GRIK4: variants seen among roughly 807,000 people sequenced by gnomAD.
GRIK4 encodes the protein glutamate ionotropic receptor kainate type subunit 4.
A neutral mutation model predicts 104.9 loss-of-function variants in GRIK4; 40 were observed. The ratio of observed to expected loss-of-function variants is 0.38; its 90% confidence interval spans 0.30 to 0.50. The LOEUF is 0.50. Among genes scored for constraint, GRIK4 ranks in the 20% least tolerant of loss-of-function variants. GRIK4 has a pLI of 0.93. For missense variants in GRIK4, 1,047 were observed against 1,308.1 expected (o/e 0.80, Z 3.08); for synonymous variants, 485 against 524.9 (o/e 0.92, Z 1.04).
chr11:120,668,879 T>C (rs151057912), intron 3 of GRIK4, among the ~76,000 whole-genome samples: 1 of 152,252 alleles, frequency 6.6e-6, no homozygotes, highest in African/African-American at 2.4e-5. Context: ...CCCTGTTTTA[T>C]GCTTTTATAA....
At position 120,676,635 on chromosome 11, in the gene GRIK4, G is replaced by A. The variant is rs997092807; in HGVS notation, c.82+16235G>A. Among the ~76,000 whole-genome samples, 8 of 152,242 alleles carry A rather than the reference G, an allele frequency of 5.3e-5. No individual in the cohort carries two copies. In the East Asian group the frequency reaches 5.8e-4, roughly 11 times the overall value. ...CATTCCTGCAATAAATAGTCCTGTC[G>A]CTTGAGAGCAAGAACTCACTCACTG... On this transcript the variant is annotated intron_variant, in intron 3 of 20. Coordinates refer to ENST00000527524, the MANE Select transcript of GRIK4 (RefSeq NM_014619.5).
intron 13 of GRIK4, among the ~76,000 whole-genome samples, chr11:120,907,049 C>T (rs78284765): frequency 0.027 from 4,095 of 152,264 alleles, 93 homozygotes; most frequent in East Asian, 0.071. Flanking sequence ...CCTCAGTTTT[C>T]GAGATTCAAG....
At chr11:120,858,502 T>A (rs970787901) in intron 8 of GRIK4, 1 of 152,152 alleles carries the variant, frequency 6.6e-6, no homozygotes, top group Non-Finnish European at 1.5e-5. Flanking sequence ...ATGGTCAGTG[T>A]GTTTGGGAAG....
chr11:120,590,557 T>C (rs2135111718), intron 1 of GRIK4, among the ~76,000 whole-genome samples: 1 of 152,326 alleles, frequency 6.6e-6, no homozygotes, highest in East Asian at 1.9e-4. Context: ...GCACAGTGCC[T>C]GGAATGTAAT....
Position 120,952,797 on chromosome 11 carries a change from C to T in GRIK4, c.1591-58C>T, listed in dbSNP as rs919598638. On this transcript the variant is annotated intron_variant, in intron 14 of 20. Coordinates refer to ENST00000527524, the MANE Select transcript of GRIK4 (RefSeq NM_014619.5). This position sits in a 1 kb window ranked among gnomAD's most constrained non-coding sequence, Gnocchi z 5.2. ...ACCTCCTCTACCCCGCCCTGCCTGC[C>T]CCAAGGTCATGTTGACTGAATATGT... is the stretch of plus-strand genomic sequence containing the variant. The T allele has an allele frequency of 1.3e-5, 16 of 1,214,300 alleles. No individual in the cohort carries two copies. The highest frequency in any genetic ancestry group is 5.9e-5 in the African/African-American group (4 of 67,788). The allele number at this position is 1,214,300 out of a possible 1,614,324, so 75.2% of individuals were successfully genotyped here.
At chr11:120,625,118 T>G (rs1324118378) in intron 1 of GRIK4, among the ~76,000 whole-genome samples, 1 of 152,094 alleles carries the variant, frequency 6.6e-6, no homozygotes, top group Non-Finnish European at 1.5e-5. Flanking sequence ...CTACTAAAAC[T>G]ACAAAAATTA....
chr11:120,592,487 C>T (rs750155200), intron 1 of GRIK4, among the ~76,000 whole-genome samples: 3 of 152,192 alleles, frequency 2.0e-5, no homozygotes, highest in South Asian at 2.1e-4. Context: ...TACTGCATTC[C>T]GTTGGGCTGG....
chr11:120,923,197 G>A (rs764378392), intron 13 of GRIK4, among the ~76,000 whole-genome samples: 14 of 152,264 alleles, frequency 9.2e-5, no homozygotes, highest in South Asian at 2.1e-4. Flanking sequence ...CAGGAAAGGG[G>A]AGTTACTAGG....
At chr11:120,970,774 A>G (rs1350062387) in intron 19 of GRIK4, among the ~76,000 whole-genome samples, 1 of 149,938 alleles carries the variant, frequency 6.7e-6, no homozygotes, top group Non-Finnish European at 1.5e-5. Flanking sequence ...CTCCCCACCT[A>G]CCTCTTAAGA....
At chr11:120,679,788 C>T (rs1435881396) in intron 3 of GRIK4, among the ~76,000 whole-genome samples, 1 of 152,214 alleles carries the variant, frequency 6.6e-6, no homozygotes, top group Non-Finnish European at 1.5e-5. Context: ...GAAGCTCAAA[C>T]TCCTTTTCAG....
chr11:120,792,232 C>G (rs1246459712), intron 3 of GRIK4, among the ~76,000 whole-genome samples: 1 of 151,692 alleles, frequency 6.6e-6, no homozygotes, highest in Non-Finnish European at 1.5e-5. Flanking sequence ...CATGCAGCAG[C>G]ACCGTGTGTG....
intron 11 of GRIK4, among the ~76,000 whole-genome samples, chr11:120,880,494 C>A (rs1954936963): frequency 6.6e-6 from 1 of 152,192 alleles, no homozygotes. Context: ...GAGTACAAGT[C>A]CAAGTACAAG....
At chr11:120,926,905 G>A (rs963296781) in intron 13 of GRIK4, among the ~76,000 whole-genome samples, 5 of 152,210 alleles carry the variant, frequency 3.3e-5, no homozygotes, top group Non-Finnish European at 1.5e-5. Context: ...AGTATAATGA[G>A]CCAGAGTGTC....
intron 19 of GRIK4, among the ~76,000 whole-genome samples, chr11:120,971,506 C>A (rs542569109): frequency 6.6e-6 from 1 of 152,306 alleles, no homozygotes; most frequent in Admixed American, 6.5e-5. Context: ...GGAAAGTATT[C>A]ATGTAGTTCT....
chr11:120,762,464 A>T (rs1009102124), intron 3 of GRIK4, among the ~76,000 whole-genome samples: 1 of 152,204 alleles, frequency 6.6e-6, no homozygotes, highest in Admixed American at 6.5e-5. Flanking sequence ...CCTGGCCAGA[A>T]CTTCCAATAC....
In GRIK4 at chr11:120,874,075, G is replaced by A. The variant is rs1332074423; in HGVS notation, c.916G>A (p.Ala306Thr). Residue 306 changes from alanine to threonine, a missense_variant, in exon 10 of 21, where the codon GCC becomes ACC. Physicochemically the swap from Ala to Thr is moderately conservative, Grantham distance 58. Transcript: ENST00000527524. ...VPFTGPALSS[A>T]LLFDAVYAVV... Reference sequence around the variant, plus strand: ...CCCCGGCCTCTCCCAGCTCTCCTCGGCCCTGCTGTTTGATGCTGTCTATGC... The same window carrying A: ...CCCCGGCCTCTCCCAGCTCTCCTCGACCCTGCTGTTTGATGCTGTCTATGC... The A allele has an allele frequency of 6.2e-7, 1 of 1,607,456 alleles. No homozygotes were observed. The highest frequency in any genetic ancestry group is 2.2e-5 in the East Asian group (1 of 44,608).
chr11:120,541,922 C>A (rs1197293781), intron 1 of GRIK4, among the ~76,000 whole-genome samples: 1 of 151,352 alleles, frequency 6.6e-6, no homozygotes, highest in Non-Finnish European at 1.5e-5. Flanking sequence ...TAATCCATAT[C>A]AAAATTCCAA....
chr11:120,730,322 C>T (rs777986169), intron 3 of GRIK4, among the ~76,000 whole-genome samples: 5 of 152,128 alleles, frequency 3.3e-5, no homozygotes, highest in East Asian at 1.9e-4. Context: ...TGCGCCACTG[C>T]ACTCCAGCCT....
chr11:120,599,975 G>A (rs1446830086), intron 1 of GRIK4, among the ~76,000 whole-genome samples: 1 of 152,204 alleles, frequency 6.6e-6, no homozygotes, highest in Non-Finnish European at 1.5e-5. Context: ...TAGGTTTGAC[G>A]CTTTCTCATG....
Sources: allele counts gnomAD v4.1 joint callset (sites outside exome capture counted in the v4.1 genomes callset), GRCh38; gene constraint gnomAD v4.1.1; non-coding constraint Gnocchi (gnomAD v3.1); transcripts MANE v1.5; gene names NCBI Gene and HGNC (gene_info 2026-07-23, HGNC 2026-07-21).